The following ATG10 variants were observed in gnomAD, a reference collection of about 807,000 sequenced individuals.
ATG10 encodes the protein ubiquitin-like-conjugating enzyme ATG10.
Under a neutral mutation model 32.1 loss-of-function variants are expected in ATG10, and 30 were observed. The observed-to-expected ratio is 0.94, with a 90% CI of 0.70 to 1.27. The LOEUF is 1.27. Ranked by LOEUF, ATG10 falls within the 50% of genes most tolerant of loss-of-function variation. The pLI is 0.00. For missense variants in ATG10, 233 were observed against 262.3 expected, an observed-to-expected ratio of 0.89 and a Z score of 0.77; for synonymous variants, 87 against 91.5, an observed-to-expected ratio of 0.95 and a Z score of 0.28.
intron 2 of ATG10, chr5:81,992,398 AAAATT>A (rs1421404805): frequency 1.3e-5 from 2 of 151,518 alleles, no homozygotes; most frequent in Admixed American, 6.6e-5. Context: ...ATTTATTTTT[AAAATT>A]AAATTAAATT....
chr5:82,216,789 G>GC lies in ATG10; in HGVS notation c.454-35772dup, dbSNP rs1745697746. On this transcript the variant is annotated intron_variant, in intron 5 of 7. Transcript: ENST00000282185. ...TGGTAGCAACAGGCCAGGCGCAGTG[G>GC]CTCATGCCTGTAATCCCAGCACTTT... is the stretch of plus-strand genomic sequence containing the variant. 2.0e-5 allele frequency among the ~76,000 whole-genome samples: 3 copies of GC among 152,246 alleles called. No homozygotes were observed. In the South Asian group the frequency reaches 6.2e-4, roughly 32 times the overall value.
At chr5:82,221,323 T>G (rs1239388799) in intron 5 of ATG10, among the ~76,000 whole-genome samples, 1 of 152,224 alleles carries the variant, frequency 6.6e-6, no homozygotes, top group Non-Finnish European at 1.5e-5. Context: ...GGCTATATTT[T>G]GTTTTGTTTT....
intron 3 of ATG10, among the ~76,000 whole-genome samples, chr5:82,131,805 T>A (rs1766548075): frequency 6.6e-6 from 1 of 152,134 alleles, no homozygotes. Context: ...GGGTAATTTA[T>A]AAGCAAAGAG....
intron 3 of ATG10, among the ~76,000 whole-genome samples, chr5:82,153,913 T>C (rs1767707921): frequency 2.7e-5 from 4 of 147,264 alleles, no homozygotes; most frequent in Admixed American, 2.7e-4. Flanking sequence ...GCTGCCTATT[T>C]TTTTTTTTTT....
chr5:82,150,578 T>G lies in ATG10; in HGVS notation c.217-13821T>G, dbSNP rs1767554559. Among the ~76,000 whole-genome samples, 3 of 152,046 alleles carry G rather than the reference T, an allele frequency of 2.0e-5. No individual in the cohort carries two copies. The South Asian group carries it at 6.2e-4, about 32-fold the overall frequency. ...GCTTGGGAACAGGGAGACATGAGGG[T>G]CCAGCATTTGGAAGTCAAACATAGC... is the stretch of plus-strand genomic sequence containing the variant. On this transcript the variant is annotated intron_variant, in intron 3 of 7. Coordinates refer to ENST00000282185, the MANE Select transcript of ATG10 (RefSeq NM_031482.5).
rs575612520 is a variant in ATG10, at chr5:81,982,968, C to T, written c.-12-4591C>T. Among the ~76,000 whole-genome samples the T allele has an allele frequency of 2.4e-4, 37 of 152,356 alleles. No homozygotes were observed. In the East Asian group the frequency reaches 2.5e-3, roughly 10 times the overall value. ...ATGTCTACCTCTTTCTACACAGACA[C>T]GGCAACCATCCCATTTCTCAGTCTT... On this transcript the variant is annotated intron_variant, in intron 1 of 7. Transcript: ENST00000282185.
chr5:81,983,524 C>A (rs1358085860), intron 1 of ATG10, among the ~76,000 whole-genome samples: 1 of 147,420 alleles, frequency 6.8e-6, no homozygotes, highest in Non-Finnish European at 1.5e-5. Context: ...ACCCCCCCCA[C>A]CTCCCTCCCG....
chr5:82,085,565 C>G (rs1292268808), intron 3 of ATG10, among the ~76,000 whole-genome samples: 1 of 151,618 alleles, frequency 6.6e-6, no homozygotes, highest in Non-Finnish European at 1.5e-5. Context: ...GTGCAGCACA[C>G]CAACATGGCA....
intron 3 of ATG10, among the ~76,000 whole-genome samples, chr5:82,078,894 C>G (rs961154920): frequency 6.6e-6 from 1 of 152,076 alleles, no homozygotes; most frequent in African/African-American, 2.4e-5. Flanking sequence ...TATTTAGAGT[C>G]CCCCCTCTAC....
At chr5:82,226,696 C>T (rs769370053) in intron 5 of ATG10, among the ~76,000 whole-genome samples, 1 of 152,126 alleles carries the variant, frequency 6.6e-6, no homozygotes, top group Non-Finnish European at 1.5e-5. Context: ...CTTATAGCAA[C>T]TTCATTATTA....
rs546488365 is a variant in ATG10, at chr5:82,061,695, TATATA to T, written c.216+3099_216+3103del. ...TATACTACATATACATAATGTATTA[TATATA>T]ATATATGTAATATAGTATATTATAA... On this transcript the variant is annotated intron_variant, in intron 3 of 7. Coordinates refer to ENST00000282185, the MANE Select transcript of ATG10 (RefSeq NM_031482.5). 1.6e-3 allele frequency among the ~76,000 whole-genome samples: 239 copies of T among 148,486 alleles called. 1 individual carries two copies. Among genetic ancestry groups the T allele is most frequent in the African/African-American group, 5.3e-3 (216 of 40,822 alleles).
intron 5 of ATG10, among the ~76,000 whole-genome samples, chr5:82,225,898 T>C (rs1236528151): frequency 1.3e-5 from 2 of 152,380 alleles, no homozygotes; most frequent in African/African-American, 2.4e-5. Flanking sequence ...AACTTCTAGC[T>C]ATGACTCAGA....
chr5:82,125,748 G>A (rs866920197), intron 3 of ATG10, among the ~76,000 whole-genome samples: 42 of 152,112 alleles, frequency 2.8e-4, no homozygotes, highest in African/African-American at 9.6e-4. Flanking sequence ...GATTGTCTTG[G>A]CTATGAGGGC....
chr5:82,141,586 T>A (rs1302223052), intron 3 of ATG10, among the ~76,000 whole-genome samples: 2 of 151,608 alleles, frequency 1.3e-5, no homozygotes, highest in Middle Eastern at 3.2e-3. Flanking sequence ...ACTGAAGAGA[T>A]GAAAAAAATA....
At chr5:82,215,782 C>CA (rs1235815966) in intron 5 of ATG10, among the ~76,000 whole-genome samples, 1 of 151,674 alleles carries the variant, frequency 6.6e-6, no homozygotes, top group African/African-American at 2.4e-5. Context: ...ACTAAAAATA[C>CA]AAAAAATTAG....
At chr5:82,080,223 T>G (rs1025710621) in intron 3 of ATG10, among the ~76,000 whole-genome samples, 2 of 152,244 alleles carry the variant, frequency 1.3e-5, no homozygotes, top group Admixed American at 6.5e-5. Context: ...GTTTTTTTCT[T>G]GTAAATTTGT....
At chr5:82,054,032 C>T (rs1763509542) in intron 2 of ATG10, among the ~76,000 whole-genome samples, 1 of 152,118 alleles carries the variant, frequency 6.6e-6, no homozygotes, top group Non-Finnish European at 1.5e-5. Flanking sequence ...GACTTCTCTC[C>T]TGAGGTAGCT....
intron 5 of ATG10, among the ~76,000 whole-genome samples, chr5:82,200,465 T>TC: frequency 1.6e-5 from 1 of 62,272 alleles, no homozygotes; most frequent in African/African-American, 1.5e-4. Context: ...CCTAACTTCT[T>TC]TTTTTTTTTT....
At chr5:82,157,426 A>AT (rs1017523217) in intron 3 of ATG10, among the ~76,000 whole-genome samples, 28 of 151,712 alleles carry the variant, frequency 1.8e-4, no homozygotes, top group African/African-American at 6.3e-4. Context: ...TGCTAAAAGA[A>AT]TTACGTTGCT....
Sources: allele counts gnomAD v4.1 joint callset (sites outside exome capture counted in the v4.1 genomes callset), GRCh38; gene constraint gnomAD v4.1.1; transcripts MANE v1.5; gene names NCBI Gene and HGNC (gene_info 2026-07-23, HGNC 2026-07-21).